The following MAG variants were observed in gnomAD, a reference collection of about 807,000 sequenced individuals.
MAG encodes the protein myelin associated glycoprotein.
MAG carries 30 observed loss-of-function variants against 60.7 expected under a neutral mutation model. The observed-to-expected ratio is 0.49, with a 90% CI of 0.37 to 0.67. The LOEUF is 0.67. MAG is among the 30% of genes least tolerant of loss of function. The pLI is 0.00. For missense variants in MAG, 795 were observed against 851.7 expected (o/e 0.93, Z 0.83); for synonymous variants, 384 against 376.8 (o/e 1.02, Z -0.22).
rs1056308659 is a variant in MAG at position 35,293,868 on chromosome 19, C to T, written c.-79-367C>T. Among the ~76,000 whole-genome samples the T allele has an allele frequency of 6.6e-6, 1 of 152,092 alleles. No individual in the cohort carries two copies. The highest frequency in any genetic ancestry group is 2.4e-5 in the African/African-American group (1 of 41,390). On this transcript the variant is annotated intron_variant, in intron 1 of 10. Transcript: ENST00000392213. The surrounding 1 kb of genome is among the most constrained non-coding windows in gnomAD (Gnocchi z 4.0). Reference sequence around the variant, plus strand: ...GAGAGGGCGGCAGGAATTCACGCGGCATGTCGGGAATGCTGATACTGTGAA... The same window carrying T: ...GAGAGGGCGGCAGGAATTCACGCGGTATGTCGGGAATGCTGATACTGTGAA...
Position 35,295,937 on chromosome 19 carries a change from A to G in MAG, c.371A>G (p.Tyr124Cys). The change falls in exon 4 of 11, where the codon TAC becomes TGC. Residue 124 changes from tyrosine to cysteine, a missense_variant. By Grantham distance (194) the Tyr-to-Cys change is radical. Coordinates refer to ENST00000392213, the MANE Select transcript of MAG (RefSeq NM_002361.4). The surrounding 1 kb of genome is among the most constrained non-coding windows in gnomAD (Gnocchi z 5.8). ...KYYFRGDLGGYNQYTFSEHSV... is the reference protein window; with the variant it reads ...KYYFRGDLGGCNQYTFSEHSV... Reference sequence around the variant, plus strand: ...TACTTCCGTGGGGACCTGGGCGGCTACAACCAGTACACCTTCTCAGAGCAC... The same window carrying G: ...TACTTCCGTGGGGACCTGGGCGGCTGCAACCAGTACACCTTCTCAGAGCAC... 12 of 1,612,142 alleles carry G rather than the reference A, an allele frequency of 7.4e-6. No individual in the cohort carries two copies. Among genetic ancestry groups the G allele is most frequent in the Non-Finnish European group, 1.0e-5 (12 of 1,179,138 alleles).
intron 4 of MAG, among the ~76,000 whole-genome samples, chr19:35,298,920 ACAC>A (rs1568471513): frequency 6.6e-6 from 1 of 151,410 alleles, no homozygotes; most frequent in Non-Finnish European, 1.5e-5. Flanking sequence ...CACATCACAC[ACAC>A]AACACACACT....
chr19:35,302,396 G>A lies in MAG; in HGVS notation c.971-52G>A, dbSNP rs182907559. The A allele has an allele frequency of 5.8e-4, 931 of 1,599,480 alleles. 10 individuals are homozygous for A. The Admixed American group carries it at 0.014, about 24-fold the overall frequency. On this transcript the variant is annotated intron_variant, in intron 6 of 10. Coordinates refer to ENST00000392213, the MANE Select transcript of MAG (RefSeq NM_002361.4). ...CATATCTGGGGATGGTAGTTGGCTG[G>A]CAGAAGAAGCACCTCCTGGGTTCTG...
intron 7 of MAG, among the ~76,000 whole-genome samples, chr19:35,308,762 C>T (rs1003667564): frequency 1.3e-5 from 2 of 152,152 alleles, no homozygotes; most frequent in Non-Finnish European, 2.9e-5. Context: ...GGTGAATATT[C>T]GTACTTTTTG....
At chr19:35,305,548 A>G (rs368587482) in intron 7 of MAG, among the ~76,000 whole-genome samples, 8 of 152,322 alleles carry the variant, frequency 5.3e-5, no homozygotes, top group African/African-American at 1.7e-4. Context: ...GACCTGGGCT[A>G]GAATCCCAGC....
Position 35,295,825 on chromosome 19 carries a change from G to A in MAG, c.259G>A (p.Gly87Ser), listed in dbSNP as rs1568470194. The A allele has an allele frequency of 6.2e-7, 1 of 1,613,948 alleles. No homozygotes were observed. ...RTQVVHESFQ[G>S]RSRLLGDLGL... Reference sequence around the variant, plus strand: ...CCAAGTAGTCCACGAGAGCTTCCAGGGCCGCAGCCGCCTCCTGGGGGACCT... The same window carrying A: ...CCAAGTAGTCCACGAGAGCTTCCAGAGCCGCAGCCGCCTCCTGGGGGACCT... Residue 87 changes from glycine to serine, a missense_variant, in exon 4 of 11, where the codon GGC (glycine) becomes AGC (serine). Coordinates refer to ENST00000392213, the MANE Select transcript of MAG (RefSeq NM_002361.4). The surrounding 1 kb of genome is among the most constrained non-coding windows in gnomAD (Gnocchi z 5.8).
In MAG at chr19:35,293,691, A is replaced by T. The variant is rs1235255841; in HGVS notation, c.-79-544A>T. ...GCCTTCCTGGCCCTGCTCAAAGGCC[A>T]GCCAGGAGTGCCTGACCCCTTTCTT... On this transcript the variant is annotated intron_variant, in intron 1 of 10. Transcript: ENST00000392213. This position sits in a 1 kb window ranked among gnomAD's most constrained non-coding sequence, Gnocchi z 4.0. Among the ~76,000 whole-genome samples the T allele has an allele frequency of 6.6e-6, 1 of 152,004 alleles. No homozygotes were observed. Among genetic ancestry groups the T allele is most frequent in the African/African-American group, 2.4e-5 (1 of 41,374 alleles).
At chr19:35,306,325 A>G (rs1030614282) in intron 7 of MAG, among the ~76,000 whole-genome samples, 3 of 151,726 alleles carry the variant, frequency 2.0e-5, no homozygotes, top group African/African-American at 7.3e-5. Flanking sequence ...ACTCCAGGTT[A>G]AATATTTGTT....
At chr19:35,312,262 G>T in intron 10 of MAG, 1 of 1,612,208 alleles carries the variant, frequency 6.2e-7, no homozygotes. Flanking sequence ...GTCTGTGACT[G>T]CATTTCCTTC....
At chr19:35,310,454 C>T (rs2066518656) in intron 8 of MAG, 93 bp from the exon 9 acceptor site, 3 of 1,122,864 alleles carry the variant, frequency 2.7e-6, no homozygotes, top group African/African-American at 1.5e-5. Flanking sequence ...TGTGTGACTA[C>T]ATTGACTGTC....
chr19:35,296,355 A>G (rs1392173360), intron 4 of MAG, among the ~76,000 whole-genome samples: 1 of 152,186 alleles, frequency 6.6e-6, no homozygotes, highest in African/African-American at 2.4e-5. Flanking sequence ...TAAAATGGGG[A>G]TAAGAACAGC....
At position 35,293,534 on chromosome 19, in the gene MAG, G is replaced by A. The variant is rs557333056; in HGVS notation, c.-79-701G>A. 6.6e-6 allele frequency among the ~76,000 whole-genome samples: 1 copy of A among 152,234 alleles called. No individual in the cohort carries two copies. The highest frequency in any genetic ancestry group is 2.4e-5 in the African/African-American group (1 of 41,518). On this transcript the variant is annotated intron_variant, in intron 1 of 10. Coordinates refer to ENST00000392213, the MANE Select transcript of MAG (RefSeq NM_002361.4). This position sits in a 1 kb window ranked among gnomAD's most constrained non-coding sequence, Gnocchi z 4.0. ...TTCATCCCCGCGATTGGATGTGTCT[G>A]TGCATGTGTCTCTGTCCGTGGGAAG...
intron 2 of MAG, among the ~76,000 whole-genome samples, chr19:35,294,936 C>G (rs778318831): frequency 5.9e-5 from 9 of 152,056 alleles, no homozygotes; most frequent in Non-Finnish European, 1.5e-5. Context: ...AGGGCTGAGA[C>G]CCCATCTCAA....
chr19:35,310,689 G>A, intron 9 of MAG, 46 bp downstream of exon 9: 1 of 1,575,376 alleles, frequency 6.3e-7, no homozygotes, highest in Non-Finnish European at 8.7e-7. Flanking sequence ...TCTCCAAAAA[G>A]GGGACCTGGT....
rs1312619497 is a variant in MAG at position 35,302,622 on chromosome 19, T to C, written c.1145T>C (p.Val382Ala). Residue 382 changes from valine to alanine, a missense_variant, in exon 7 of 11, where the codon GTG becomes GCG. Physicochemically the swap from Val to Ala is moderately conservative, Grantham distance 64. Coordinates refer to ENST00000392213, the MANE Select transcript of MAG (RefSeq NM_002361.4). ...GAGCTGCAGCTGGAGCTGCCGGCCG[T>C]GTCACCCGAGGATGATGGAGAGTAC... Reference protein sequence around the residue: ...ESELQLELPAVSPEDDGEYWC... With the variant: ...ESELQLELPAASPEDDGEYWC... The C allele has an allele frequency of 6.2e-7, 1 of 1,614,088 alleles. No homozygotes were observed. The highest frequency in any genetic ancestry group is 8.5e-7 in the Non-Finnish European group (1 of 1,180,048).
rs753268515 is a variant in MAG, at chr19:35,300,366, A to G, written c.932A>G (p.Tyr311Cys). 1.3e-6 allele frequency: 2 copies of G among 1,593,956 alleles called. No individual in the cohort carries two copies. The highest frequency in any genetic ancestry group is 4.5e-5 in the East Asian group (2 of 44,672). ...GVYACLAENAYGQDNRTVGLS... is the reference protein window; with the variant it reads ...GVYACLAENACGQDNRTVGLS... ...TATGCCTGCCTGGCCGAGAATGCCTATGGCCAGGACAACCGCACCGTGGGG... is the reference window on the plus strand; with the variant it reads ...TATGCCTGCCTGGCCGAGAATGCCTGTGGCCAGGACAACCGCACCGTGGGG... The change falls in exon 6 of 11, where the codon TAT becomes TGT. Residue 311 changes from tyrosine (Y) to cysteine (C), a missense_variant. Transcript: ENST00000392213.
At chr19:35,301,081 G>A (rs1434017504) in intron 6 of MAG, among the ~76,000 whole-genome samples, 1 of 152,156 alleles carries the variant, frequency 6.6e-6, no homozygotes, top group Non-Finnish European at 1.5e-5. Context: ...TGTTCCCTGG[G>A]CTAGTCTTAA....
At position 35,313,343 on chromosome 19, in the gene MAG, C is replaced by A. The variant is rs201562930; in HGVS notation, c.1770C>A (p.Pro590=). Residue 590 remains proline (P), a synonymous_variant, in exon 11 of 11, where the codon CCC becomes CCA. Coordinates refer to ENST00000392213, the MANE Select transcript of MAG (RefSeq NM_002361.4). ...ERRLLGLRGE[P]PELDLSYSHS... ...GGCTGCTGGGCCTTCGGGGTGAGCC[C>A]CCAGAGCTGGACCTGAGCTATTCTC... The A allele has an allele frequency of 5.3e-5, 86 of 1,614,148 alleles. No homozygotes were observed. Among genetic ancestry groups the A allele is most frequent in the Non-Finnish European group, 7.0e-5 (83 of 1,180,014 alleles).
At chr19:35,301,557 G>A (rs12974994) in intron 6 of MAG, among the ~76,000 whole-genome samples, 27,337 of 149,724 alleles carry the variant, frequency 0.18, 2,527 homozygotes, top group Middle Eastern at 0.27. Context: ...TCAGCCTCCC[G>A]AGTAGCTAGA....
Sources: gnomAD v4.1 joint callset for allele counts (sites outside exome capture counted in the v4.1 genomes callset) on GRCh38, gnomAD v4.1.1 for gene constraint, Gnocchi (gnomAD v3.1) non-coding constraint, MANE v1.5 for transcripts, NCBI Gene and HGNC (gene_info 2026-07-23, HGNC 2026-07-21) for gene names.